The following CELSR1 variants were observed in gnomAD, a reference collection of about 807,000 sequenced individuals.
CELSR1 encodes the protein adhesion G protein-coupled receptor C1.
In CELSR1, 110 loss-of-function variants were observed where a neutral mutation model predicts 249.1. That is an observed-to-expected ratio of 0.44 (90% CI 0.38 to 0.52). The LOEUF is 0.52. Ranked by LOEUF, CELSR1 falls within the 20% of genes least tolerant of loss-of-function variation. CELSR1 has a pLI of 0.00. For missense variants in CELSR1, 4,109 were observed against 4,296.4 expected (o/e 0.96, Z 1.22); for synonymous variants, 2,113 against 1,900.0 (o/e 1.11, Z -2.92).
At position 46,536,121 on chromosome 22, in the gene CELSR1, G is replaced by C. The variant is rs1461549899; in HGVS notation, c.1050C>G (p.Ser350Arg). Residue 350 changes from serine (S) to arginine (R), a missense_variant, in exon 1 of 35, where the codon AGC (serine) becomes AGG (arginine). This residue lies in a region of CELSR1 where 673 missense variants were observed against 636.8 expected (regional missense o/e 1.06). Transcript: ENST00000674500. ...GGTACTCCGACTGCTCGAAGACCGGGCTGTGGTCGTTGGTGTCTTTGACCA... is the reference window on the plus strand; with the variant it reads ...GGTACTCCGACTGCTCGAAGACCGGCCTGTGGTCGTTGGTGTCTTTGACCA... Reference protein sequence around the residue: ...TVLVKDTNDHSPVFEQSEYRE... With the variant: ...TVLVKDTNDHRPVFEQSEYRE... The C allele has an allele frequency of 1.2e-6, 2 of 1,612,672 alleles. No individual in the cohort carries two copies. The highest frequency in any genetic ancestry group is 3.3e-5 in the Admixed American group (2 of 60,034).
intron 32 of CELSR1, 129 bp downstream of exon 32, chr22:46,365,102 G>T: frequency 7.7e-7 from 1 of 1,306,396 alleles, no homozygotes; most frequent in Non-Finnish European, 1.0e-6. Flanking sequence ...CCCCACCCCA[G>T]GCTGTCCTTT....
chr22:46,454,957 G>GGAT lies in CELSR1; in HGVS notation c.4183+8747_4183+8749dup, dbSNP rs2079929930. On this transcript the variant is annotated intron_variant, in intron 2 of 34. Coordinates refer to ENST00000674500, the MANE Select transcript of CELSR1 (RefSeq NM_001378328.1). The surrounding 1 kb of genome is among the most constrained non-coding windows in gnomAD (Gnocchi z 5.1). ...GGTCTTTGTAGAGGTAATCGACTTA[G>GGAT]GATGAGATCATTAGGGTGGGTCCTA... is the stretch of plus-strand genomic sequence containing the variant. Among the ~76,000 whole-genome samples, 1 of 152,208 alleles carries GGAT rather than the reference G, an allele frequency of 6.6e-6. No individual in the cohort carries two copies. The highest frequency in any genetic ancestry group is 2.1e-4 in the South Asian group (1 of 4,824).
intron 1 of CELSR1, among the ~76,000 whole-genome samples, chr22:46,530,867 A>G (rs1364208668): frequency 6.6e-6 from 1 of 152,102 alleles, no homozygotes; most frequent in African/African-American, 2.4e-5. Flanking sequence ...AATGGCTCCC[A>G]CTAAACGTAG....
chr22:46,455,610 A>C (rs2147539320), intron 2 of CELSR1, among the ~76,000 whole-genome samples: 1 of 152,302 alleles, frequency 6.6e-6, no homozygotes, highest in South Asian at 2.1e-4. Flanking sequence ...TTGAGACAAC[A>C]GATTTCTGTC....
At chr22:46,418,670 C>T (rs1299459005) in intron 5 of CELSR1, among the ~76,000 whole-genome samples, 2 of 152,032 alleles carry the variant, frequency 1.3e-5, no homozygotes, top group African/African-American at 2.4e-5. Flanking sequence ...GGCACTGGCC[C>T]GCCATTTCCT....
chr22:46,397,658 G>A lies in CELSR1; in HGVS notation c.5701+16C>T, dbSNP rs202228395. 1.1e-4 allele frequency: 164 copies of A among 1,463,498 alleles called. No individual in the cohort carries two copies. Among genetic ancestry groups the A allele is most frequent in the East Asian group, 2.6e-4 (10 of 37,742 alleles). 90.7% of individuals were successfully genotyped at this position (1,463,498 alleles called of 1,614,324 possible). A position where few individuals can be genotyped will look rare whatever the true frequency, so the allele number is the denominator to read the frequency against. ...GACCTCCCTGTCACTGAAGGGCCCC[G>A]GGAGGGCGGTCCCACCTTTGTCACA... On this transcript the variant is annotated intron_variant, in intron 12 of 34. Transcript: ENST00000674500.
At chr22:46,505,249 A>G (rs1372539308) in intron 1 of CELSR1, among the ~76,000 whole-genome samples, 26 of 107,776 alleles carry the variant, frequency 2.4e-4, no homozygotes, top group Non-Finnish European at 1.2e-4. Flanking sequence ...GCGACAGAGC[A>G]AGACTCTGTC....
At chr22:46,372,268 CCT>C (rs2078861253) in intron 25 of CELSR1, among the ~76,000 whole-genome samples, 1 of 142,334 alleles carries the variant, frequency 7.0e-6, no homozygotes, top group Non-Finnish European at 1.5e-5. Flanking sequence ...ATCCATCCAT[CCT>C]CACTCAACCC....
chr22:46,408,040 A>G lies in CELSR1; in HGVS notation c.5226+956T>C, dbSNP rs2079286286. 6.6e-6 allele frequency among the ~76,000 whole-genome samples: 1 copy of G among 151,876 alleles called. No individual in the cohort carries two copies. Among genetic ancestry groups the G allele is most frequent in the African/African-American group, 2.4e-5 (1 of 41,106 alleles). On this transcript the variant is annotated intron_variant, in intron 9 of 34. Transcript: ENST00000674500. The surrounding 1 kb of genome is among the most constrained non-coding windows in gnomAD (Gnocchi z 4.6). The stretch of plus-strand genomic sequence containing the variant: ...TGGCAGAAGGGCAGCCCGATGACAG[A>G]AGACAGGGCTCATAACTGTTTCTCA...
chr22:46,504,742 G>A (rs770293648), intron 1 of CELSR1, among the ~76,000 whole-genome samples: 27 of 152,064 alleles, frequency 1.8e-4, no homozygotes, highest in Non-Finnish European at 2.6e-4. Context: ...ATTTGACCAC[G>A]GTTATCAAAT....
In CELSR1 at chr22:46,436,323, A is replaced by G. The variant is rs749465330; in HGVS notation, c.4407-34T>C. The G allele has an allele frequency of 7.7e-6, 12 of 1,556,382 alleles. No individual in the cohort carries two copies. The East Asian group carries it at 2.5e-4, about 32-fold the overall frequency. ...CCAAGCAGAGGCACATCACAGGATG[A>G]AGACCCCAGGGTCCAAAGGCTGCCT... On this transcript the variant is annotated intron_variant, in intron 3 of 34. Transcript: ENST00000674500. This position sits in a 1 kb window ranked among gnomAD's most constrained non-coding sequence, Gnocchi z 5.9.
Position 46,366,423 on chromosome 22 carries a change from A to C in CELSR1, c.8263T>G (p.Leu2755Val), listed in dbSNP as rs2078782348. The C allele has an allele frequency of 1.9e-6, 3 of 1,550,110 alleles. No individual in the cohort carries two copies. Among genetic ancestry groups the C allele is most frequent in the South Asian group, 2.4e-5 (2 of 84,050 alleles). The change falls in exon 30 of 35, where the codon TTG becomes GTG. Residue 2755 changes from leucine to valine, a missense_variant. By Grantham distance (32) the Leu-to-Val change is conservative. Transcript: ENST00000674500. The part of the protein sequence containing the change: ...GDGPDMLRTD[L>V]GESTASLDSI... ...TCCAGCGAGGCGGTGGACTCGCCCAAGTCTGTGCGCAGCATGTCAGGCCCG... is the reference window on the plus strand; with the variant it reads ...TCCAGCGAGGCGGTGGACTCGCCCACGTCTGTGCGCAGCATGTCAGGCCCG...
chr22:46,508,288 CCAGCAGGTGTG>C (rs1262657279), intron 1 of CELSR1, among the ~76,000 whole-genome samples: 4 of 150,976 alleles, frequency 2.6e-5, no homozygotes, highest in Non-Finnish European at 5.9e-5. Context: ...GTCCACACAC[CCAGCAGGTGTG>C]CGGGAGGATT....
chr22:46,413,838 G>A lies in CELSR1; in HGVS notation c.4612-2079C>T, dbSNP rs1481596662. On this transcript the variant is annotated intron_variant, in intron 5 of 34. Transcript: ENST00000674500. This position sits in a 1 kb window ranked among gnomAD's most constrained non-coding sequence, Gnocchi z 4.7. ...CGCTTAAATGTGAGATGCGATCCCA[G>A]GGAAAGGAGAACCTCCCCTCACTTT... Among the ~76,000 whole-genome samples, 1 of 152,212 alleles carries A rather than the reference G, an allele frequency of 6.6e-6. No individual in the cohort carries two copies.
intron 29 of CELSR1, 79 bp downstream of exon 29, chr22:46,366,914 G>A (rs1255596327): frequency 5.9e-6 from 9 of 1,519,628 alleles, no homozygotes; most frequent in Non-Finnish European, 7.1e-6. Context: ...CAGGACTGGG[G>A]CTGAGGCTCG....
rs370423860 is a variant in CELSR1, at chr22:46,406,851, G to A, written c.5226+2145C>T. Among the ~76,000 whole-genome samples the A allele has an allele frequency of 2.0e-5, 3 of 149,518 alleles. No individual in the cohort carries two copies. Among genetic ancestry groups the A allele is most frequent in the African/African-American group, 5.0e-5 (2 of 40,374 alleles). ...ACCTTAGCCCAGCTTCCCCTGATGC[G>A]GGATGGTGTCCAGGACACACTCGGC... On this transcript the variant is annotated intron_variant, in intron 9 of 34. Coordinates refer to ENST00000674500, the MANE Select transcript of CELSR1 (RefSeq NM_001378328.1). This position sits in a 1 kb window ranked among gnomAD's most constrained non-coding sequence, Gnocchi z 5.4.
At chr22:46,367,229 CCA>C in intron 28 of CELSR1, 111 bp from the exon 29 acceptor site, 1 of 1,395,864 alleles carries the variant, frequency 7.2e-7, no homozygotes, top group Non-Finnish European at 9.6e-7. Context: ...ACATGTCCGG[CCA>C]CACGGCCCAG....
At chr22:46,516,915 C>T (rs1439213410) in intron 1 of CELSR1, among the ~76,000 whole-genome samples, 1 of 152,212 alleles carries the variant, frequency 6.6e-6, no homozygotes, top group Non-Finnish European at 1.5e-5. Flanking sequence ...CCCCCACTGA[C>T]CCATGCCCAG....
At chr22:46,422,043 C>A (rs76574797) in intron 5 of CELSR1, among the ~76,000 whole-genome samples, 1,802 of 152,360 alleles carry the variant, frequency 0.012, 26 homozygotes, top group African/African-American at 0.041. Flanking sequence ...GCTTAATTAA[C>A]TTTGTAAAAG....
Sources: gnomAD v4.1 joint callset for allele counts (sites outside exome capture counted in the v4.1 genomes callset) on GRCh38, gnomAD v4.1.1 for gene constraint, gnomAD v4.1.1 regional missense constraint, Gnocchi (gnomAD v3.1) non-coding constraint, MANE v1.5 for transcripts, NCBI Gene and HGNC (gene_info 2026-07-23, HGNC 2026-07-21) for gene names.